MYO3A: variants seen among roughly 807,000 people sequenced by gnomAD.
MYO3A encodes the protein myosin IIIA, also known as myosin-IIIa.
Under a neutral mutation model 192.7 loss-of-function variants are expected in MYO3A, and 180 were observed. The observed-to-expected ratio is 0.93, with a 90% CI of 0.83 to 1.06. The LOEUF is 1.06. Ranked by LOEUF, MYO3A falls within the 50% of genes least tolerant of loss-of-function variation. The pLI, the probability that MYO3A is intolerant of heterozygous loss-of-function variation, is 0.00. For synonymous variants in MYO3A, 628 were observed against 645.3 expected, an observed-to-expected ratio of 0.97 and a Z score of 0.41; for missense variants, 1,896 against 1,905.0, an observed-to-expected ratio of 1.00 and a Z score of 0.09.
intron 8 of MYO3A, 54 bp downstream of exon 8, chr10:26,021,702 C>A: frequency 6.2e-7 from 1 of 1,600,092 alleles, no homozygotes; most frequent in Non-Finnish European, 8.6e-7. Flanking sequence ...CTTCCTCCAG[C>A]CACCAAGTGT....
At chr10:26,159,233 G>A (rs1317452880) in intron 26 of MYO3A, among the ~76,000 whole-genome samples, 5 of 151,142 alleles carry the variant, frequency 3.3e-5, no homozygotes, top group African/African-American at 7.3e-5. Flanking sequence ...CTCGTGATCC[G>A]CCCACCTTGG....
At chr10:26,175,430 C>T (rs1189728914) in intron 30 of MYO3A, among the ~76,000 whole-genome samples, 3 of 152,054 alleles carry the variant, frequency 2.0e-5, no homozygotes, top group Non-Finnish European at 4.4e-5. Flanking sequence ...CATGAATTTC[C>T]AGGGTAATCA....
intron 12 of MYO3A, 110 bp downstream of exon 12, chr10:26,068,994 C>T: frequency 1.3e-6 from 1 of 749,198 alleles, no homozygotes; most frequent in South Asian, 1.5e-5. Flanking sequence ...TTTGAATAAA[C>T]AGTTACATAA....
chr10:25,935,400 C>T (rs74129512), intron 1 of MYO3A, among the ~76,000 whole-genome samples: 2,712 of 152,252 alleles, frequency 0.018, 89 homozygotes, highest in African/African-American at 0.062. Context: ...CCACTGAACC[C>T]TACACACTAA....
intron 10 of MYO3A, among the ~76,000 whole-genome samples, chr10:26,044,139 A>C (rs563880810): frequency 5.3e-5 from 8 of 152,304 alleles, no homozygotes; most frequent in African/African-American, 1.4e-4. Flanking sequence ...AGGGGACCTC[A>C]TGACTCTGAT....
chr10:26,108,980 A>C (rs1367764828), intron 17 of MYO3A, among the ~76,000 whole-genome samples: 2 of 152,184 alleles, frequency 1.3e-5, no homozygotes, highest in East Asian at 3.8e-4. Context: ...ATCTTCACTG[A>C]TCCATCTCCC....
rs374623992 is a variant in MYO3A at position 25,971,802 on chromosome 10, AT to A, written c.303+16796del. On this transcript the variant is annotated intron_variant, in intron 4 of 34. Transcript: ENST00000642920. ...ATTATAGGCTTTCAACCTTTTTACT[AT>A]TGTGTGACTAGCTTGGACCTCTTTG... is the stretch of plus-strand genomic sequence containing the variant. 8.8e-3 allele frequency among the ~76,000 whole-genome samples: 1,343 copies of A among 152,030 alleles called. 15 individuals are homozygous for A. The highest frequency in any genetic ancestry group is 0.016 in the South Asian group (76 of 4,806).
chr10:26,137,592 C>T (rs183128132), intron 20 of MYO3A, among the ~76,000 whole-genome samples: 68 of 152,288 alleles, frequency 4.5e-4, no homozygotes, highest in African/African-American at 1.5e-3. Context: ...CAAGGGAAGA[C>T]AACCATAAGG....
intron 32 of MYO3A, among the ~76,000 whole-genome samples, chr10:26,199,365 G>T (rs1454099958): frequency 1.3e-5 from 2 of 151,974 alleles, no homozygotes; most frequent in Non-Finnish European, 2.9e-5. Context: ...CCAGCCTGGG[G>T]AACATAGCGA....
At chr10:26,085,202 A>C (rs1188579081) in intron 14 of MYO3A, among the ~76,000 whole-genome samples, 2 of 151,698 alleles carry the variant, frequency 1.3e-5, no homozygotes, top group African/African-American at 2.4e-5. Flanking sequence ...TCAAAAATGA[A>C]ACTCATTTTA....
chr10:26,031,777 C>T (rs1370816352), intron 10 of MYO3A, among the ~76,000 whole-genome samples: 1 of 152,224 alleles, frequency 6.6e-6, no homozygotes, highest in African/African-American at 2.4e-5. Flanking sequence ...AGCTTACTTG[C>T]ACAAGCCACC....
chr10:25,972,685 G>T (rs1267324750), intron 4 of MYO3A, among the ~76,000 whole-genome samples: 1 of 152,098 alleles, frequency 6.6e-6, no homozygotes, highest in Non-Finnish European at 1.5e-5. Context: ...TCACTCTTCA[G>T]CAAGCACAGC....
At chr10:25,951,995 A>T (rs920492470) in intron 2 of MYO3A, 99 bp from the exon 3 acceptor site, 6 of 862,114 alleles carry the variant, frequency 7.0e-6, no homozygotes, top group Non-Finnish European at 9.3e-6. Context: ...AATATTTTCT[A>T]TCATATCAGT....
At chr10:26,091,025 T>G (rs550044675) in intron 15 of MYO3A, among the ~76,000 whole-genome samples, 41 of 152,322 alleles carry the variant, frequency 2.7e-4, no homozygotes, top group Non-Finnish European at 5.4e-4. Flanking sequence ...TCTCTCTCCT[T>G]CATTCGCCTG....
chr10:26,106,175 A>G (rs1253278625), intron 17 of MYO3A, among the ~76,000 whole-genome samples: 2 of 152,054 alleles, frequency 1.3e-5, no homozygotes, highest in Non-Finnish European at 2.9e-5. Context: ...TGGACTTTTA[A>G]TTAGAATTAT....
At chr10:25,948,915 G>A in intron 2 of MYO3A, among the ~76,000 whole-genome samples, 1 of 151,946 alleles carries the variant, frequency 6.6e-6, no homozygotes, top group Non-Finnish European at 1.5e-5. Context: ...TTTAAATAAT[G>A]TTTTACACTA....
intron 10 of MYO3A, among the ~76,000 whole-genome samples, chr10:26,027,616 A>T (rs970822512): frequency 3.9e-5 from 6 of 152,200 alleles, no homozygotes; most frequent in African/African-American, 1.4e-4. Flanking sequence ...AAAGACTAGG[A>T]TTGCAGGCAT....
intron 10 of MYO3A, among the ~76,000 whole-genome samples, chr10:26,044,957 C>A (rs767221731): frequency 2.1e-4 from 32 of 152,228 alleles, no homozygotes; most frequent in Non-Finnish European, 4.1e-4. Flanking sequence ...GCCTGGTGTG[C>A]AGGCTGTCCA....
chr10:26,166,002 A>T (rs1161340351), intron 26 of MYO3A, 65 bp from the exon 27 acceptor site: 1 of 1,313,962 alleles, frequency 7.6e-7, no homozygotes, highest in Non-Finnish European at 1.1e-6. Context: ...TTGTTGGGGA[A>T]CCACCAAGCT....
Sources: gnomAD v4.1 joint callset for allele counts (sites outside exome capture counted in the v4.1 genomes callset) on GRCh38, gnomAD v4.1.1 for gene constraint, MANE v1.5 for transcripts, NCBI Gene and HGNC (gene_info 2026-07-23, HGNC 2026-07-21) for gene names.